The following ERBB4 variants were observed in gnomAD, a reference collection of about 807,000 sequenced individuals.
The protein encoded by ERBB4 is receptor tyrosine-protein kinase erbB-4.
ERBB4 carries 42 observed loss-of-function variants against 158.0 expected under a neutral mutation model. The ratio of observed to expected loss-of-function variants is 0.27; its 90% CI spans 0.21 to 0.34. ERBB4 has a LOEUF of 0.34. Among genes scored for constraint, ERBB4 ranks in the 10% least tolerant of loss-of-function variants. ERBB4 has a pLI of 1.00. For synonymous variants in ERBB4, 583 were observed against 558.7 expected (o/e 1.04, Z -0.61); for missense variants, 1,333 against 1,624.1 (o/e 0.82, Z 3.08).
intron 4 of ERBB4, among the ~76,000 whole-genome samples, chr2:211,759,154 A>G (rs1401751434): frequency 6.6e-6 from 1 of 152,182 alleles, no homozygotes; most frequent in African/African-American, 2.4e-5. Flanking sequence ...CTTACAGCCC[A>G]GATCCAAATT....
intron 1 of ERBB4, among the ~76,000 whole-genome samples, chr2:212,143,009 T>G (rs1270538178): frequency 6.6e-6 from 1 of 152,080 alleles, no homozygotes; most frequent in Non-Finnish European, 1.5e-5. Context: ...GAAGAGTCAT[T>G]TTAACAAAAG....
At chr2:211,413,646 CCTTAA>C (rs531569011) in intron 25 of ERBB4, among the ~76,000 whole-genome samples, 107 of 152,144 alleles carry the variant, frequency 7.0e-4, no homozygotes, top group African/African-American at 2.4e-3. Context: ...TGAGATACTT[CCTTAA>C]CTTGTGTCCA....
rs868637382 is a variant in ERBB4 at position 211,382,261 on chromosome 2, C to T, written c.*1354G>A. On this transcript the variant is annotated 3_prime_UTR_variant, in exon 28 of 28. Transcript: ENST00000342788. ...CATGGAATTCAAGCCAATCCTTACT[C>T]GCATTCCTTCTTACGAAGTATACGA... 2.6e-5 allele frequency: 6 copies of T among 231,944 alleles called. No individual in the cohort carries two copies. Among genetic ancestry groups the T allele is most frequent in the East Asian group, 1.8e-4 (3 of 16,394 alleles). 14.4% of individuals were successfully genotyped at this position (231,944 alleles called of 1,614,324 possible). A position where few individuals can be genotyped will look rare whatever the true frequency, so the allele number is the denominator to read the frequency against.
chr2:211,630,399 T>C, intron 17 of ERBB4, 63 bp downstream of exon 17: 1 of 1,591,900 alleles, frequency 6.3e-7, no homozygotes. Flanking sequence ...TTGAACATCA[T>C]CTAAACCTTC....
intron 2 of ERBB4, among the ~76,000 whole-genome samples, chr2:212,091,701 G>T (rs1392597335): frequency 1.3e-5 from 2 of 151,702 alleles, no homozygotes; most frequent in African/African-American, 4.8e-5. Context: ...AACAAACATT[G>T]AAAAAAAATC....
intron 1 of ERBB4, among the ~76,000 whole-genome samples, chr2:212,128,128 T>C (rs562936004): frequency 7.4e-4 from 112 of 152,320 alleles, no homozygotes; most frequent in African/African-American, 2.6e-3. Flanking sequence ...TACACCATGC[T>C]GGAATTCATT....
At chr2:212,258,410 G>T (rs562621626) in intron 1 of ERBB4, among the ~76,000 whole-genome samples, 1 of 151,340 alleles carries the variant, frequency 6.6e-6, no homozygotes, top group African/African-American at 2.4e-5. Context: ...GAAAAATACC[G>T]TCCACTGTCT....
chr2:211,646,174 T>A (rs1270190152), intron 16 of ERBB4, among the ~76,000 whole-genome samples: 1 of 151,634 alleles, frequency 6.6e-6, no homozygotes, highest in East Asian at 1.9e-4. Context: ...ATCGTATATA[T>A]GTATTAGTAT....
chr2:211,602,383 C>T (rs1324997180), intron 19 of ERBB4, among the ~76,000 whole-genome samples: 1 of 151,984 alleles, frequency 6.6e-6, no homozygotes, highest in Non-Finnish European at 1.5e-5. Context: ...TACCAGCAAG[C>T]CCCCTCACAA....
intron 1 of ERBB4, among the ~76,000 whole-genome samples, chr2:212,248,805 C>G (rs916340822): frequency 2.0e-5 from 3 of 151,628 alleles, no homozygotes; most frequent in African/African-American, 4.8e-5. Flanking sequence ...AAAAAAAAAA[C>G]AGGTTTATTG....
chr2:211,770,852 G>A (rs999315020), intron 4 of ERBB4, among the ~76,000 whole-genome samples: 90 of 152,242 alleles, frequency 5.9e-4, no homozygotes, highest in African/African-American at 2.0e-3. Flanking sequence ...GAGGTCACAG[G>A]CATTTAAAGC....
intron 25 of ERBB4, among the ~76,000 whole-genome samples, chr2:211,401,899 CTTTTA>C (rs1389332851): frequency 6.6e-6 from 1 of 151,560 alleles, no homozygotes; most frequent in East Asian, 1.9e-4. Flanking sequence ...AGAAAAACCT[CTTTTA>C]TATTTTCTGG....
chr2:211,559,085 A>G (rs1296822169), intron 20 of ERBB4, among the ~76,000 whole-genome samples: 2 of 152,076 alleles, frequency 1.3e-5, no homozygotes, highest in Non-Finnish European at 2.9e-5. Flanking sequence ...TTTTTCCTAC[A>G]AATGTTCATC....
chr2:211,696,198 C>A (rs1013279881), intron 12 of ERBB4, among the ~76,000 whole-genome samples: 5 of 152,050 alleles, frequency 3.3e-5, no homozygotes, highest in African/African-American at 9.7e-5. Context: ...ACAACCTCCA[C>A]CTCCTGGATT....
intron 2 of ERBB4, among the ~76,000 whole-genome samples, chr2:212,101,930 G>A (rs920678571): frequency 3.3e-5 from 5 of 151,172 alleles, no homozygotes; most frequent in Admixed American, 6.6e-5. Context: ...ACCTCCTTTC[G>A]GTCACCAATT....
Position 212,133,991 on chromosome 2 carries a change from A to G in ERBB4, c.83-9088T>C, listed in dbSNP as rs184955260. ...TCATAAATCCAGCTTAACTGTTATG[A>G]GCACAACATTTCTAGGATAATTTTT... On this transcript the variant is annotated intron_variant, in intron 1 of 27. Coordinates refer to ENST00000342788, the MANE Select transcript of ERBB4 (RefSeq NM_005235.3). 2.6e-5 allele frequency among the ~76,000 whole-genome samples: 4 copies of G among 152,234 alleles called. No homozygotes were observed. In the East Asian group the frequency reaches 7.7e-4, roughly 29 times the overall value.
chr2:212,065,044 G>A (rs1399532819), intron 2 of ERBB4, among the ~76,000 whole-genome samples: 1 of 149,850 alleles, frequency 6.7e-6, no homozygotes, highest in Non-Finnish European at 1.5e-5. Flanking sequence ...GTGTGTGTGT[G>A]TTTTCTGACT....
At chr2:212,454,767 T>A (rs1237255362) in intron 1 of ERBB4, among the ~76,000 whole-genome samples, 1 of 152,148 alleles carries the variant, frequency 6.6e-6, no homozygotes. Flanking sequence ...ATCAACTGTA[T>A]AGGTAGTTAA....
chr2:211,841,661 C>T (rs926086741), intron 3 of ERBB4, among the ~76,000 whole-genome samples: 2 of 151,682 alleles, frequency 1.3e-5, no homozygotes, highest in Non-Finnish European at 2.9e-5. Flanking sequence ...TTTTATTCCA[C>T]CAATTAAGGA....
Sources: allele counts gnomAD v4.1 joint callset (sites outside exome capture counted in the v4.1 genomes callset), GRCh38; gene constraint gnomAD v4.1.1; transcripts MANE v1.5; gene names NCBI Gene and HGNC (gene_info 2026-07-23, HGNC 2026-07-21).